The following MBD4 variants were observed in gnomAD, a reference collection of about 807,000 sequenced individuals.
The protein encoded by MBD4 is methyl-CpG binding domain 4, DNA glycosylase, also known as methyl-CpG-binding domain protein 4.
Under a neutral mutation model 60.2 loss-of-function variants are expected in MBD4, and 53 were observed. The observed-to-expected ratio is 0.88, with a 90% CI of 0.71 to 1.11. The LOEUF (loss-of-function observed/expected upper bound fraction) is 1.11, where lower values mean the gene tolerates loss of function less well. Among genes scored for constraint, MBD4 ranks in the 50% least tolerant of loss-of-function variants. The pLI is 0.00. For synonymous variants in MBD4, 231 were observed against 229.8 expected (o/e 1.01, Z -0.05); for missense variants, 619 against 674.0 (o/e 0.92, Z 0.90).
intron 6 of MBD4, 73 bp downstream of exon 6, chr3:129,433,025 T>TA: frequency 6.3e-7 from 1 of 1,575,966 alleles, no homozygotes; most frequent in Non-Finnish European, 8.7e-7. Flanking sequence ...CTGAGAACAT[T>TA]AAAGTTTAAG....
intron 6 of MBD4, among the ~76,000 whole-genome samples, chr3:129,432,829 T>C (rs1473281458): frequency 6.6e-6 from 1 of 152,234 alleles, no homozygotes; most frequent in Non-Finnish European, 1.5e-5. Flanking sequence ...ACAGAAGTCA[T>C]GTCCTTGAGG....
At chr3:129,438,720 G>A (rs980898711) in intron 1 of MBD4, among the ~76,000 whole-genome samples, 1 of 149,464 alleles carries the variant, frequency 6.7e-6, no homozygotes, top group Non-Finnish European at 1.5e-5. Context: ...AGCCTGGAGA[G>A]CACAGTGAGA....
At position 129,436,697 on chromosome 3, in the gene MBD4, G is replaced by T. The variant is rs1178982163; in HGVS notation, c.947C>A (p.Ser316Ter). 1 of 1,613,944 alleles carries T rather than the reference G, an allele frequency of 6.2e-7. No homozygotes were observed. Among genetic ancestry groups the T allele is most frequent in the African/African-American group, 1.3e-5 (1 of 75,010 alleles). The change falls in exon 3 of 8, where the codon TCA (serine) becomes TAA (stop). Residue 316 changes from serine (S) to a stop codon, truncating the protein, a stop_gained. Coordinates refer to ENST00000429544, the MANE Select transcript of MBD4 (RefSeq NM_001276270.2). LOFTEE classifies it high-confidence loss of function. ...ENSLVKKKER[S>*]LSSGSNFCSE... is the part of the protein sequence containing the mutation. ...ACAAAAATTTGATCCTGAACTCAAT[G>T]ATCTTTCTTTTTTTTTTACAAGGCT...
chr3:129,434,674 T>C (rs1037765340), intron 3 of MBD4, among the ~76,000 whole-genome samples: 3 of 152,246 alleles, frequency 2.0e-5, no homozygotes, highest in Non-Finnish European at 1.5e-5. Context: ...ATACAGAAGT[T>C]AAGAATGAAA....
At position 129,437,077 on chromosome 3, in the gene MBD4, A is replaced by C; in HGVS notation, c.567T>G (p.Phe189Leu). ...RTRSKCKKDV[F>L]MPPSSSSELQ... The stretch of plus-strand genomic sequence containing the variant: ...ACTCTGAACTACTACTTGGCGGCAT[A>C]AACACATCCTTTTTGCACTTGCTTC... Residue 189 changes from phenylalanine to leucine, a missense_variant, in exon 3 of 8, where the codon TTT becomes TTG. Transcript: ENST00000429544. The C allele has an allele frequency of 6.2e-7, 1 of 1,614,142 alleles. No homozygotes were observed. The highest frequency in any genetic ancestry group is 1.1e-5 in the South Asian group (1 of 91,074).
chr3:129,431,919 C>G (rs1033854220), intron 7 of MBD4, among the ~76,000 whole-genome samples: 1 of 152,160 alleles, frequency 6.6e-6, no homozygotes, highest in Non-Finnish European at 1.5e-5. Context: ...ATGGATTGCT[C>G]TGATGAAGCT....
intron 7 of MBD4, chr3:129,432,251 A>T: frequency 6.9e-7 from 1 of 1,443,346 alleles, no homozygotes; most frequent in Non-Finnish European, 9.1e-7. Flanking sequence ...AATGACAGGA[A>T]CAGGGCCAGA....
Position 129,436,830 on chromosome 3 carries a change from C to T in MBD4, c.814G>A (p.Asp272Asn). The part of the protein sequence containing the change: ...SKRESVCNKA[D>N]AESEPVAQKS... ...TGTGCAACAGGTTCACTTTCAGCAT[C>T]TGCTTTATTACACACAGATTCTCTT... Residue 272 changes from aspartate (D) to asparagine (N), a missense_variant, in exon 3 of 8, where the codon GAT (aspartate) becomes AAT (asparagine). Coordinates refer to ENST00000429544, the MANE Select transcript of MBD4 (RefSeq NM_001276270.2). 6.2e-7 allele frequency: 1 copy of T among 1,614,154 alleles called. No individual in the cohort carries two copies. The highest frequency in any genetic ancestry group is 8.5e-7 in the Non-Finnish European group (1 of 1,180,022).
intron 7 of MBD4, chr3:129,432,196 C>T (rs1277230210): frequency 3.6e-5 from 50 of 1,394,758 alleles, no homozygotes; most frequent in Non-Finnish European, 4.6e-5. Flanking sequence ...GTACTTTTGA[C>T]AGGAGGAAAA....
rs1272849471 is a variant in MBD4 at position 129,433,261 on chromosome 3, G to T, written c.1394-14C>A. 6.2e-7 allele frequency: 1 copy of T among 1,613,648 alleles called. No individual in the cohort carries two copies. The highest frequency in any genetic ancestry group is 8.5e-7 in the Non-Finnish European group (1 of 1,179,834). On this transcript the variant is annotated splice_polypyrimidine_tract_variant and intron_variant, in intron 5 of 7. Transcript: ENST00000429544. ...TTGCCATTTTGCCTGGGAAGTAAAA[G>T]TAACTGAATGATTACAAGACTCCAG...
chr3:129,431,276 ATTG>A lies in MBD4; in HGVS notation c.*222_*224del. ...ATTGGAAAAGCCGTATTTTTTTTGG[ATTG>A]TTGTCAAATAATAATTTATTTTAAA... is the stretch of plus-strand genomic sequence containing the variant. On this transcript the variant is annotated 3_prime_UTR_variant, in exon 8 of 8. Transcript: ENST00000429544. 4.1e-6 allele frequency: 2 copies of A among 493,008 alleles called. No homozygotes were observed. The highest frequency in any genetic ancestry group is 2.6e-5 in the South Asian group (1 of 38,090). The allele number at this position is 493,008 out of a possible 1,614,324, so 30.5% of individuals were successfully genotyped here.
intron 5 of MBD4, chr3:129,433,450 T>C: frequency 1.6e-6 from 1 of 630,702 alleles, no homozygotes; most frequent in Non-Finnish European, 2.7e-6. Context: ...ATTGGGCTAA[T>C]AGTCCAAATT....
chr3:129,439,206 A>C (rs189643838), intron 1 of MBD4, among the ~76,000 whole-genome samples: 151 of 152,296 alleles, frequency 9.9e-4, no homozygotes, highest in Non-Finnish European at 1.9e-3. Flanking sequence ...TTATGAAATG[A>C]TATTGTTTAC....
intron 3 of MBD4, 168 bp downstream of exon 3, chr3:129,436,293 T>G: frequency 1.3e-6 from 1 of 762,526 alleles, no homozygotes; most frequent in Non-Finnish European, 2.1e-6. Context: ...CAGTTTAAGA[T>G]AAAGTATTAG....
intron 3 of MBD4, among the ~76,000 whole-genome samples, chr3:129,435,527 TGAA>T (rs1190215941): frequency 1.3e-5 from 2 of 152,180 alleles, no homozygotes; most frequent in African/African-American, 2.4e-5. Context: ...GACACAGACT[TGAA>T]GAATTCTTAT....
rs751478153 is a variant in MBD4 at position 129,439,858 on chromosome 3, G to A, written c.-25C>T. 2.0e-6 allele frequency: 3 copies of A among 1,523,404 alleles called. No homozygotes were observed. Among genetic ancestry groups the A allele is most frequent in the South Asian group, 1.1e-5 (1 of 88,350 alleles). The allele number at this position is 1,523,404 out of a possible 1,614,324, so 94.4% of individuals were successfully genotyped here. A position where few individuals can be genotyped will look rare whatever the true frequency, so the allele number is the denominator to read the frequency against. ...TCGAGCAGGGTCCGGCTGCAGCAACGAGCCCAGCGCCGCAACGCCCAGGGT... is the reference window on the plus strand; with the variant it reads ...TCGAGCAGGGTCCGGCTGCAGCAACAAGCCCAGCGCCGCAACGCCCAGGGT... On this transcript the variant is annotated 5_prime_UTR_variant, in exon 1 of 8. Transcript: ENST00000429544.
intron 1 of MBD4, among the ~76,000 whole-genome samples, chr3:129,438,842 G>A (rs1427640666): frequency 6.6e-6 from 1 of 152,070 alleles, no homozygotes; most frequent in Non-Finnish European, 1.5e-5. Context: ...GCCGGGGTAG[G>A]AGGACTGCTT....
chr3:129,437,922 T>C lies in MBD4; in HGVS notation c.133A>G (p.Arg45Gly). 6.2e-7 allele frequency: 1 copy of C among 1,612,942 alleles called. No homozygotes were observed. Among genetic ancestry groups the C allele is most frequent in the Non-Finnish European group, 8.5e-7 (1 of 1,178,892 alleles). The change falls in exon 2 of 8, where the codon AGA becomes GGA. Residue 45 changes from arginine to glycine, a missense_variant. By Grantham distance (125) the Arg-to-Gly change is moderately radical (BLOSUM62 -2). Transcript: ENST00000429544. ...ATTTGTTCCTCATCTTCTCCCACTC[T>C]TTCCAATTCCATAGCAACATCTTCT... The part of the protein sequence containing the change: ...RKEDVAMELE[R>G]VGEDEEQMMI...
chr3:129,435,790 C>G (rs1294233121), intron 3 of MBD4, among the ~76,000 whole-genome samples: 1 of 152,176 alleles, frequency 6.6e-6, no homozygotes, highest in Non-Finnish European at 1.5e-5. Flanking sequence ...CCTTTTATCT[C>G]TTATTCACTG....
Sources: allele counts gnomAD v4.1 joint callset (sites outside exome capture counted in the v4.1 genomes callset), GRCh38; gene constraint gnomAD v4.1.1; transcripts MANE v1.5; gene names NCBI Gene and HGNC (gene_info 2026-07-23, HGNC 2026-07-21).